Variants in DPP10 observed in about 807,000 individuals in gnomAD.
DPP10 encodes the protein inactive dipeptidyl peptidase 10.
A neutral mutation model predicts 120.9 loss-of-function variants in DPP10; 33 were observed. The observed-to-expected ratio is 0.27, with a 90% CI of 0.21 to 0.37. DPP10 has a LOEUF of 0.37. Among genes scored for constraint, DPP10 ranks in the 10% least tolerant of loss-of-function variants. DPP10 has a pLI of 1.00. For missense variants in DPP10, 816 were observed against 942.8 expected (o/e 0.87, Z 1.76); for synonymous variants, 337 against 326.1 (o/e 1.03, Z -0.36).
At chr2:114,880,482 A>G (rs1691514398) in intron 1 of DPP10, among the ~76,000 whole-genome samples, 1 of 152,196 alleles carries the variant, frequency 6.6e-6, no homozygotes, top group African/African-American at 2.4e-5. Flanking sequence ...AGCTATAGCC[A>G]CAGGAAATAT....
At chr2:114,642,568 C>T (rs1695791724) in intron 1 of DPP10, among the ~76,000 whole-genome samples, 1 of 151,886 alleles carries the variant, frequency 6.6e-6, no homozygotes, top group South Asian at 2.1e-4. Flanking sequence ...AAGTAAGCTG[C>T]TGTATGTGCC....
chr2:115,762,739 C>A, intron 12 of DPP10, 129 bp downstream of exon 12: 3 of 1,036,786 alleles, frequency 2.9e-6, no homozygotes, highest in Admixed American at 2.1e-5. Context: ...GATCCTTTTT[C>A]ATTAAAAGGA....
chr2:115,204,857 T>G (rs2056010973), intron 1 of DPP10, among the ~76,000 whole-genome samples: 2 of 152,286 alleles, frequency 1.3e-5, no homozygotes, highest in Non-Finnish European at 2.9e-5. Context: ...TGATGTTAAG[T>G]ATTTTTTCAT....
At chr2:114,861,808 A>C (rs1160461998) in intron 1 of DPP10, among the ~76,000 whole-genome samples, 1 of 152,148 alleles carries the variant, frequency 6.6e-6, no homozygotes, top group East Asian at 1.9e-4. Flanking sequence ...TAGCAAAGTA[A>C]CATTGGGCCA....
chr2:115,833,441 A>G (rs1357287726), intron 21 of DPP10, among the ~76,000 whole-genome samples: 1 of 152,158 alleles, frequency 6.6e-6, no homozygotes, highest in Non-Finnish European at 1.5e-5. Context: ...TCTTTATGAC[A>G]GAGAACTAGG....
At chr2:115,333,693 G>C (rs1328038261) in intron 2 of DPP10, among the ~76,000 whole-genome samples, 1 of 152,034 alleles carries the variant, frequency 6.6e-6, no homozygotes, top group Non-Finnish European at 1.5e-5. Context: ...AGCTTGGTTT[G>C]GCTGGATATA....
chr2:115,005,262 G>T (rs552957376), intron 1 of DPP10, among the ~76,000 whole-genome samples: 2 of 152,250 alleles, frequency 1.3e-5, no homozygotes, highest in South Asian at 4.1e-4. Context: ...CCACAAAGAT[G>T]GGGAAAAAAC....
chr2:115,695,309 A>AAAAT (rs1302150732), intron 7 of DPP10, among the ~76,000 whole-genome samples: 8 of 152,186 alleles, frequency 5.3e-5, no homozygotes, highest in African/African-American at 1.9e-4. Context: ...GCAAAAACAT[A>AAAAT]AAATAGAAAA....
chr2:114,646,195 T>TAAATAAATAAAA (rs1438353730), intron 1 of DPP10, among the ~76,000 whole-genome samples: 6 of 144,632 alleles, frequency 4.1e-5, no homozygotes, highest in African/African-American at 1.6e-4. Context: ...AATAAATAAA[T>TAAATAAATAAAA]AAAAAGGGGG....
At chr2:115,724,728 T>G (rs914398827) in intron 7 of DPP10, among the ~76,000 whole-genome samples, 5 of 152,122 alleles carry the variant, frequency 3.3e-5, no homozygotes. Flanking sequence ...ACTGGGTAAT[T>G]TATAAAGAAA....
At chr2:115,718,449 T>C (rs904846507) in intron 7 of DPP10, among the ~76,000 whole-genome samples, 8 of 152,226 alleles carry the variant, frequency 5.3e-5, no homozygotes, top group South Asian at 2.1e-4. Flanking sequence ...ATCTTTCAGA[T>C]AACGTAGCTG....
In DPP10 at chr2:114,484,290, T is replaced by C. The variant is rs115885456; in HGVS notation, c.60+41452T>C. On this transcript the variant is annotated intron_variant, in intron 1 of 25. Transcript: ENST00000410059. ...TAAGAGCACGTTGCCTTTAGAATCA[T>C]GGAGCTCAAAGAATCAGAATGTAAG... Among the ~76,000 whole-genome samples, 924 of 152,248 alleles carry C rather than the reference T, an allele frequency of 6.1e-3. 6 individuals are homozygous for C. The highest frequency in any genetic ancestry group is 0.011 in the Non-Finnish European group (765 of 68,004).
chr2:114,645,055 C>A (rs1188288989), intron 1 of DPP10, among the ~76,000 whole-genome samples: 2 of 150,658 alleles, frequency 1.3e-5, no homozygotes, highest in Non-Finnish European at 2.9e-5. Flanking sequence ...CTTACTTTGC[C>A]AAATTAAGAC....
intron 5 of DPP10, among the ~76,000 whole-genome samples, chr2:115,556,735 C>T (rs2080241054): frequency 6.6e-6 from 1 of 152,076 alleles, no homozygotes; most frequent in Non-Finnish European, 1.5e-5. Context: ...ATAATTTAAA[C>T]TAAAATGGTG....
chr2:115,573,930 T>C (rs2081502860), intron 5 of DPP10, among the ~76,000 whole-genome samples: 1 of 152,140 alleles, frequency 6.6e-6, no homozygotes, highest in African/African-American at 2.4e-5. Context: ...TGGTAACTCC[T>C]CCCTTTACTT....
chr2:115,739,930 C>G, intron 9 of DPP10, 37 bp downstream of exon 9: 1 of 1,600,648 alleles, frequency 6.2e-7, no homozygotes, highest in East Asian at 2.2e-5. Flanking sequence ...TTCCTTCTCT[C>G]TCTCTGCACT....
chr2:114,554,348 G>T (rs1688120022), intron 1 of DPP10, among the ~76,000 whole-genome samples: 1 of 152,352 alleles, frequency 6.6e-6, no homozygotes, highest in African/African-American at 2.4e-5. Flanking sequence ...GCTGTGAGGA[G>T]TTCTGGTTCT....
chr2:114,967,738 A>G (rs2104766239), intron 1 of DPP10, among the ~76,000 whole-genome samples: 1 of 152,188 alleles, frequency 6.6e-6, no homozygotes. Context: ...GTCTGCTAAA[A>G]AGTCTTCAGT....
chr2:115,341,560 T>A (rs1360055716), intron 2 of DPP10, among the ~76,000 whole-genome samples: 1 of 152,210 alleles, frequency 6.6e-6, no homozygotes, highest in Non-Finnish European at 1.5e-5. Context: ...TGTAGAATCA[T>A]ATGGAATAAC....
Sources: allele counts gnomAD v4.1 joint callset (sites outside exome capture counted in the v4.1 genomes callset), GRCh38; gene constraint gnomAD v4.1.1; transcripts MANE v1.5; gene names NCBI Gene and HGNC (gene_info 2026-07-23, HGNC 2026-07-21).